PDE4A: variants seen among roughly 807,000 people sequenced by gnomAD.
PDE4A encodes the protein phosphodiesterase 4A.
PDE4A carries 21 observed loss-of-function variants against 73.9 expected under a neutral mutation model. That is an observed-to-expected ratio of 0.28 (90% CI 0.20 to 0.41). The LOEUF (loss-of-function observed/expected upper bound fraction) is 0.41. Among genes scored for constraint, PDE4A ranks in the 10% least tolerant of loss-of-function variants. The pLI, the probability that PDE4A is intolerant of heterozygous loss-of-function variation, is 1.00. For missense variants in PDE4A, 958 were observed against 1,211.4 expected (o/e 0.79, Z 3.10); for synonymous variants, 463 against 505.4 (o/e 0.92, Z 1.13).
rs1599466078 is a variant in PDE4A, at chr19:10,467,269, T to C, written c.2309T>C (p.Leu770Pro). 6.2e-7 allele frequency: 1 copy of C among 1,614,056 alleles called. No individual in the cohort carries two copies. The change falls in exon 15 of 15, where the codon CTG becomes CCG. Residue 770 changes from leucine to proline, a missense_variant. Leu to Pro is a moderately conservative substitution (Grantham distance 98). Coordinates refer to ENST00000380702, the MANE Select transcript of PDE4A (RefSeq NM_001111307.2). Reference sequence around the variant, plus strand: ...GAAGTTATGGCACAGGAAGCATCCCTGGAGGCCGAGCTGGAGGCAGTGTAT... The same window carrying C: ...GAAGTTATGGCACAGGAAGCATCCCCGGAGGCCGAGCTGGAGGCAGTGTAT... ...SLEVMAQEAS[L>P]EAELEAVYLT...
chr19:10,435,424 G>A lies in PDE4A; in HGVS notation c.321-10794G>A, dbSNP rs565382598. On this transcript the variant is annotated intron_variant, in intron 1 of 14. Transcript: ENST00000380702. ...TTAAAAAAAAAAATTAGCTGGGTGT[G>A]GTGGTGTGCGCCTGTGGTTCCAGCT... Among the ~76,000 whole-genome samples, 3 of 152,018 alleles carry A rather than the reference G, an allele frequency of 2.0e-5. No individual in the cohort carries two copies. The East Asian group carries it at 5.8e-4, about 29-fold the overall frequency.
intron 5 of PDE4A, 82 bp downstream of exon 5, chr19:10,450,734 C>A (rs1320743818): frequency 6.3e-7 from 1 of 1,584,608 alleles, no homozygotes; most frequent in Admixed American, 1.8e-5. Flanking sequence ...ACCCAGCAGT[C>A]CACTCACCTG....
chr19:10,422,056 A>G (rs1233620003), intron 1 of PDE4A, among the ~76,000 whole-genome samples: 2 of 152,118 alleles, frequency 1.3e-5, no homozygotes, highest in East Asian at 1.9e-4. Flanking sequence ...GTGTGCTCCA[A>G]GAATGCTGTG....
At chr19:10,466,504 G>A (rs1460279011) in intron 14 of PDE4A, among the ~76,000 whole-genome samples, 1 of 135,304 alleles carries the variant, frequency 7.4e-6, no homozygotes. Context: ...ACATTTTTTT[G>A]TTTTTGTTTT....
intron 6 of PDE4A, 25 bp from the exon 7 acceptor site, chr19:10,454,804 T>C: frequency 1.2e-6 from 2 of 1,613,720 alleles, no homozygotes; most frequent in Non-Finnish European, 1.7e-6. Context: ...CCATCATTTC[T>C]TCCTTGTTGA....
chr19:10,430,649 A>AGTCC (rs910214986), intron 1 of PDE4A, among the ~76,000 whole-genome samples: 6 of 151,652 alleles, frequency 4.0e-5, no homozygotes, highest in African/African-American at 1.5e-4. Flanking sequence ...TCTGCGGGAG[A>AGTCC]GTCCCCACCA....
Position 10,469,134 on chromosome 19 carries a change from G to A in PDE4A, c.*1513G>A, listed in dbSNP as rs1246271233. 2.6e-5 allele frequency: 4 copies of A among 152,552 alleles called. No individual in the cohort carries two copies. The highest frequency in any genetic ancestry group is 5.9e-5 in the Non-Finnish European group (4 of 68,082). The allele number at this position is 152,552 out of a possible 1,614,324, so 9.4% of individuals were successfully genotyped here. On this transcript the variant is annotated 3_prime_UTR_variant, in exon 15 of 15. Coordinates refer to ENST00000380702, the MANE Select transcript of PDE4A (RefSeq NM_001111307.2). ...TCGTTTTTGTCCCAGCCGGCGATCG[G>A]AGTGGGCCTTTTCTTTCTTTTTGTT...
intron 11 of PDE4A, 89 bp downstream of exon 11, chr19:10,461,192 GCTGGCTGGC>G: frequency 6.7e-7 from 1 of 1,500,580 alleles, no homozygotes; most frequent in Non-Finnish European, 8.9e-7. Flanking sequence ...TGGAGGAGGG[GCTGGCTGGC>G]CTGGGGGCGG....
chr19:10,436,658 A>G (rs1003509666), intron 1 of PDE4A, among the ~76,000 whole-genome samples: 3 of 152,250 alleles, frequency 2.0e-5, no homozygotes, highest in South Asian at 4.1e-4. Flanking sequence ...CCAGGCACAC[A>G]GCAAGCATTC....
chr19:10,418,388 C>A (rs924395241), upstream of PDE4A, among the ~76,000 whole-genome samples: 2 of 152,184 alleles, frequency 1.3e-5, no homozygotes, highest in African/African-American at 4.8e-5. Context: ...TACTCAACCC[C>A]CCTCTTGGCT....
Position 10,424,206 on chromosome 19 carries a change from AGAGG to A in PDE4A, c.320+3127_320+3130del, listed in dbSNP as rs1277420788. Among the ~76,000 whole-genome samples, 1 of 152,188 alleles carries A rather than the reference AGAGG, an allele frequency of 6.6e-6. No individual in the cohort carries two copies. The highest frequency in any genetic ancestry group is 1.5e-5 in the Non-Finnish European group (1 of 68,028). On this transcript the variant is annotated intron_variant, in intron 1 of 14. Coordinates refer to ENST00000380702, the MANE Select transcript of PDE4A (RefSeq NM_001111307.2). This position sits in a 1 kb window ranked among gnomAD's most constrained non-coding sequence, Gnocchi z 4.8. ...CCACGATCTGTCAAGAGGCAGATGG[AGAGG>A]GAGGAAGAGGAGGACTTTGGTGGTG...
chr19:10,451,047 C>T, intron 6 of PDE4A, 106 bp downstream of exon 6: 2 of 1,102,034 alleles, frequency 1.8e-6, no homozygotes, highest in East Asian at 5.2e-5. Context: ...GCGGATGGAG[C>T]CAGCCATTAG....
intron 1 of PDE4A, among the ~76,000 whole-genome samples, chr19:10,437,335 G>T (rs1363583011): frequency 2.6e-5 from 4 of 152,110 alleles, no homozygotes; most frequent in African/African-American, 4.8e-5. Flanking sequence ...TGTTGGTCAG[G>T]CTGGTCTCGA....
At chr19:10,419,157 G>T (rs1269949744), upstream of PDE4A, 1 of 908,418 alleles carries the variant, frequency 1.1e-6, no homozygotes, top group Admixed American at 6.6e-5. Context: ...GACAGGGGGC[G>T]CACGGGGGCA....
At position 10,435,843 on chromosome 19, in the gene PDE4A, G is replaced by C. The variant is rs147497731; in HGVS notation, c.321-10375G>C. On this transcript the variant is annotated intron_variant, in intron 1 of 14. Transcript: ENST00000380702. ...CCATGGCTCAGGGATCTGATTCTGG[G>C]GCATCACTGGCCCTGACTCTCCCCT... Among the ~76,000 whole-genome samples the C allele has an allele frequency of 9.7e-3, 1,470 of 152,154 alleles. 26 individuals carry two copies. Among genetic ancestry groups the C allele is most frequent in the African/African-American group, 0.034 (1,405 of 41,496 alleles).
chr19:10,425,789 C>T (rs1345275800), intron 1 of PDE4A, among the ~76,000 whole-genome samples: 2 of 151,260 alleles, frequency 1.3e-5, no homozygotes, highest in African/African-American at 4.9e-5. Flanking sequence ...AAATTGAGAC[C>T]AGTCTGGCCA....
In PDE4A at chr19:10,449,137, G is replaced by C. The variant is rs201070412; in HGVS notation, c.607G>C (p.Val203Leu). 3.1e-6 allele frequency: 5 copies of C among 1,613,302 alleles called. No individual in the cohort carries two copies. The highest frequency in any genetic ancestry group is 4.2e-6 in the Non-Finnish European group (5 of 1,179,728). ...CTTCTCACTCCTGACCAATGTGCCC[G>C]TTCCCAGTAACAAGTAAGTGAAGGC... ...SNFSLLTNVP[V>L]PSNKRSPLGG... The change falls in exon 4 of 15, where the codon GTT (valine) becomes CTT (leucine). Residue 203 changes from valine (V) to leucine (L), a missense_variant. Physicochemically the swap from Val to Leu is conservative, Grantham distance 32 (BLOSUM62 1). Around this residue, in one of 3 missense-constraint regions of PDE4A, gnomAD observed 570 missense variants for 827.7 expected, o/e 0.69. Coordinates refer to ENST00000380702, the MANE Select transcript of PDE4A (RefSeq NM_001111307.2).
chr19:10,467,425 C>T lies in PDE4A; in HGVS notation c.2465C>T (p.Pro822Leu), dbSNP rs2043396818. 2 of 1,613,900 alleles carry T rather than the reference C, an allele frequency of 1.2e-6. No individual in the cohort carries two copies. Among genetic ancestry groups the T allele is most frequent in the East Asian group, 4.5e-5 (2 of 44,860 alleles). The change falls in exon 15 of 15, where the codon CCT becomes CTT. Residue 822 changes from proline (P) to leucine (L), a missense_variant. Around this residue, in one of 3 missense-constraint regions of PDE4A, gnomAD observed 243 missense variants for 245.9 expected, o/e 0.99. Transcript: ENST00000380702. ...SALALQSPLL[P>L]AWRTLSVSEH... ...CTGGCTCTTCAAAGCCCCCTTCTCC[C>T]TGCTTGGAGGACCCTGTCTGTTTCA...
In PDE4A at chr19:10,467,161, T is replaced by C. The variant is rs371677574; in HGVS notation, c.2201T>C (p.Leu734Ser). The change falls in exon 15 of 15, where the codon TTG (leucine) becomes TCG (serine). Residue 734 changes from leucine (L) to serine (S), a missense_variant. Physicochemically the swap from Leu to Ser is moderately radical, Grantham distance 145. Transcript: ENST00000380702. ...ATACCGTGCACAGCCCAAGAGGCAT[T>C]GACTGCGCAGGGATTGTCAGGAGTC... ...AQIPCTAQEA[L>S]TAQGLSGVEE... The C allele has an allele frequency of 1.1e-5, 18 of 1,614,042 alleles. No individual in the cohort carries two copies. The African/African-American group carries it at 2.0e-4, about 18-fold the overall frequency.
Sources: gnomAD v4.1 joint callset for allele counts (sites outside exome capture counted in the v4.1 genomes callset) on GRCh38, gnomAD v4.1.1 for gene constraint, gnomAD v4.1.1 regional missense constraint, Gnocchi (gnomAD v3.1) non-coding constraint, MANE v1.5 for transcripts, NCBI Gene and HGNC (gene_info 2026-07-23, HGNC 2026-07-21) for gene names.